Variants in MEGF10 observed in about 807,000 individuals in gnomAD.
MEGF10 encodes the protein multiple epidermal growth factor-like domains protein 10.
Under a neutral mutation model 147.5 loss-of-function variants are expected in MEGF10, and 86 were observed. The ratio of observed to expected loss-of-function variants is 0.58; its 90% CI spans 0.49 to 0.70. The LOEUF is 0.70. MEGF10 is among the 30% of genes least tolerant of loss of function. MEGF10 has a pLI of 0.00. For missense variants in MEGF10, 1,329 were observed against 1,487.3 expected (o/e 0.89, Z 1.75); for synonymous variants, 478 against 525.5 (o/e 0.91, Z 1.24).
chr5:127,432,499 A>G (rs1765417297), intron 13 of MEGF10, among the ~76,000 whole-genome samples: 1 of 152,162 alleles, frequency 6.6e-6, no homozygotes, highest in Non-Finnish European at 1.5e-5. Flanking sequence ...ACTAATTATA[A>G]CTTATTGCCT....
chr5:127,302,555 G>C (rs776424338), intron 1 of MEGF10, among the ~76,000 whole-genome samples: 11 of 152,200 alleles, frequency 7.2e-5, no homozygotes, highest in Non-Finnish European at 1.5e-4. Context: ...AGATAGTGAT[G>C]ATGGTTGCAC....
At chr5:127,305,219 C>T (rs1759959306) in intron 1 of MEGF10, among the ~76,000 whole-genome samples, 1 of 152,098 alleles carries the variant, frequency 6.6e-6, no homozygotes, top group Non-Finnish European at 1.5e-5. Context: ...TGCTAATGAG[C>T]AGTGAAATAG....
chr5:127,267,186 G>T, the MEGF10 span, among the ~76,000 whole-genome samples: 3 of 152,218 alleles, frequency 2.0e-5, no homozygotes, highest in South Asian at 6.2e-4. Context: ...TAATCATGTG[G>T]TTTTTGTCTT....
chr5:127,276,255 G>C, the MEGF10 span, among the ~76,000 whole-genome samples: 1 of 152,208 alleles, frequency 6.6e-6, no homozygotes, highest in Non-Finnish European at 1.5e-5. Context: ...CTCTTCACCT[G>C]TGTAAACACA....
At chr5:127,434,644 C>T (rs750535895) in intron 14 of MEGF10, 43 bp from the exon 15 acceptor site, 17 of 1,557,426 alleles carry the variant, frequency 1.1e-5, no homozygotes, top group East Asian at 2.3e-5. Flanking sequence ...GCGAGACAAA[C>T]GCATCTCAGA....
At position 127,458,351 on chromosome 5, in the gene MEGF10, C is replaced by T. The variant is rs561461670; in HGVS notation, c.*1033C>T. The T allele has an allele frequency of 9.2e-5, 14 of 152,280 alleles. No homozygotes were observed. The South Asian group carries it at 2.9e-3, about 32-fold the overall frequency. The allele number at this position is 152,280 out of a possible 1,614,324, so 9.4% of individuals were successfully genotyped here. On this transcript the variant is annotated 3_prime_UTR_variant, in exon 25 of 25. Coordinates refer to ENST00000503335, the MANE Select transcript of MEGF10 (RefSeq NM_001256545.2). ...TTTTGTGCATATTTGAGAAAGGGAA[C>T]TTTCCTTTTATTAATTGTCAATTTA... is the stretch of plus-strand genomic sequence containing the variant.
chr5:127,388,366 C>T (rs1357955984), intron 5 of MEGF10, among the ~76,000 whole-genome samples: 2 of 151,952 alleles, frequency 1.3e-5, no homozygotes, highest in African/African-American at 2.4e-5. Flanking sequence ...CCAGGCTGGT[C>T]TCTAACTCTT....
At chr5:127,346,224 A>G (rs574087465) in intron 4 of MEGF10, among the ~76,000 whole-genome samples, 7 of 152,264 alleles carry the variant, frequency 4.6e-5, no homozygotes, top group African/African-American at 9.6e-5. Flanking sequence ...TAGATACCCA[A>G]TAGTGGGATT....
the MEGF10 span, among the ~76,000 whole-genome samples, chr5:127,247,487 A>G: frequency 1.3e-5 from 2 of 150,836 alleles, no homozygotes; most frequent in Non-Finnish European, 3.0e-5. Context: ...AAGAAGAAGA[A>G]AAATTTAAAG....
chr5:127,286,104 T>C (rs1242683058), upstream of MEGF10, among the ~76,000 whole-genome samples: 2 of 152,052 alleles, frequency 1.3e-5, no homozygotes, highest in Non-Finnish European at 2.9e-5. Flanking sequence ...CTAAGAAAGT[T>C]GATCTTTTGA....
At chr5:127,424,922 A>T (rs17604946) in intron 13 of MEGF10, 16,118 of 152,366 alleles carry the variant, frequency 0.11, 951 homozygotes, top group Non-Finnish European at 0.13. Context: ...GACCACGGTG[A>T]AGCAAAATAA....
intron 4 of MEGF10, among the ~76,000 whole-genome samples, chr5:127,362,740 A>G (rs1017809078): frequency 6.6e-6 from 1 of 152,098 alleles, no homozygotes; most frequent in African/African-American, 2.4e-5. Context: ...TTTTAATCCA[A>G]TCTGTTAATA....
chr5:127,278,414 A>G, the MEGF10 span, among the ~76,000 whole-genome samples: 3 of 152,342 alleles, frequency 2.0e-5, no homozygotes, highest in African/African-American at 7.2e-5. Context: ...AGGAAAATAT[A>G]TGATACTAAG....
At chr5:127,406,200 G>A (rs1052626175) in intron 8 of MEGF10, among the ~76,000 whole-genome samples, 5 of 152,100 alleles carry the variant, frequency 3.3e-5, no homozygotes, top group African/African-American at 1.2e-4. Flanking sequence ...AGGCAAATGA[G>A]CTTATACCTA....
At chr5:127,346,324 A>C (rs1259606038) in intron 4 of MEGF10, among the ~76,000 whole-genome samples, 1 of 152,176 alleles carries the variant, frequency 6.6e-6, no homozygotes, top group African/African-American at 2.4e-5. Context: ...GTTCCCACCA[A>C]CAGTGTAGAA....
At chr5:127,317,279 G>T (rs553693496) in intron 1 of MEGF10, among the ~76,000 whole-genome samples, 4 of 152,238 alleles carry the variant, frequency 2.6e-5, no homozygotes, top group Non-Finnish European at 2.9e-5. Context: ...CTGCGTGTCC[G>T]CTCTGATGGT....
At chr5:127,308,243 G>A (rs1284824559) in intron 1 of MEGF10, among the ~76,000 whole-genome samples, 1 of 152,158 alleles carries the variant, frequency 6.6e-6, no homozygotes, top group African/African-American at 2.4e-5. Context: ...TTGTTATGAT[G>A]CAGAAAATCC....
intron 4 of MEGF10, among the ~76,000 whole-genome samples, chr5:127,345,164 TCATTCTGTCAGCTGTGGAGA>T (rs1327793929): frequency 1.3e-5 from 2 of 152,232 alleles, no homozygotes; most frequent in Non-Finnish European, 2.9e-5. Context: ...GAATGGCTCT[TCATTCTGTCAGCTGTGGAGA>T]TTCTTGGAGA....
At chr5:127,241,179 C>A in the MEGF10 span, among the ~76,000 whole-genome samples, 1 of 152,092 alleles carries the variant, frequency 6.6e-6, no homozygotes. Flanking sequence ...GTGTATTTGT[C>A]AAGATTATTT....
Sources: allele counts gnomAD v4.1 joint callset (sites outside exome capture counted in the v4.1 genomes callset), GRCh38; gene constraint gnomAD v4.1.1; transcripts MANE v1.5; gene names NCBI Gene and HGNC (gene_info 2026-07-23, HGNC 2026-07-21).